Variants in HGSNAT observed in about 807,000 individuals in gnomAD.
HGSNAT encodes transmembrane protein 76.
In HGSNAT, 59 loss-of-function variants were observed where a neutral mutation model predicts 85.2. The observed-to-expected ratio is 0.69, with a 90% CI of 0.56 to 0.86. The LOEUF (loss-of-function observed/expected upper bound fraction) is 0.86. Among genes scored for constraint, HGSNAT ranks in the 40% least tolerant of loss-of-function variants. The pLI is 0.00. For missense variants in HGSNAT, 756 were observed against 777.1 expected, an observed-to-expected ratio of 0.97 and a Z score of 0.32; for synonymous variants, 321 against 304.5, an observed-to-expected ratio of 1.05 and a Z score of -0.56.
At chr8:43,168,617 G>A (rs557175069) in intron 5 of HGSNAT, among the ~76,000 whole-genome samples, 187 of 151,538 alleles carry the variant, frequency 1.2e-3, no homozygotes, top group African/African-American at 4.4e-3. Context: ...GGCTGGTCTC[G>A]AACTCCTGAC....
chr8:43,194,188 G>A (rs959765604), intron 14 of HGSNAT: 12 of 788,012 alleles, frequency 1.5e-5, no homozygotes, highest in African/African-American at 5.6e-5. Context: ...GCTTGAGTCC[G>A]GGAGTTTGAG....
At chr8:43,168,174 C>T (rs909784053) in intron 5 of HGSNAT, 1 of 156,098 alleles carries the variant, frequency 6.4e-6, no homozygotes, top group Admixed American at 6.4e-5. Context: ...CCGTCTTGGC[C>T]TCCCAAAGTG....
rs1324487368 is a variant in HGSNAT at position 43,202,726 on chromosome 8, G to C, written c.*3157G>C. On this transcript the variant is annotated 3_prime_UTR_variant, in exon 18 of 18. Coordinates refer to ENST00000379644, the MANE Select transcript of HGSNAT (RefSeq NM_152419.3). ...TCTTTTATAAATGCATAATAACCCA[G>C]TTTGTATCAAAGGGTATCGACTTAA... 1 of 152,170 alleles carries C rather than the reference G, an allele frequency of 6.6e-6. No individual in the cohort carries two copies. Among genetic ancestry groups the C allele is most frequent in the Non-Finnish European group, 1.5e-5 (1 of 68,032 alleles). 9.4% of individuals were successfully genotyped at this position (152,170 alleles called of 1,614,324 possible). A position where few individuals can be genotyped will look rare whatever the true frequency, so the allele number is the denominator to read the frequency against.
chr8:43,194,340 G>C, intron 14 of HGSNAT: 3 of 955,520 alleles, frequency 3.1e-6, no homozygotes, highest in Non-Finnish European at 3.7e-6. Flanking sequence ...TGAGGCTGCA[G>C]TGAGCCTTGA....
At chr8:43,194,111 C>G in intron 14 of HGSNAT, 1 of 1,208,352 alleles carries the variant, frequency 8.3e-7, no homozygotes, top group Non-Finnish European at 1.0e-6. Flanking sequence ...TAAAAGGTTT[C>G]CCTTGCCAAG....
chr8:43,160,756 C>A (rs530752793), intron 4 of HGSNAT, among the ~76,000 whole-genome samples: 3 of 152,082 alleles, frequency 2.0e-5, no homozygotes, highest in African/African-American at 7.2e-5. Flanking sequence ...TATCCTTCTC[C>A]GGTGCTGGAT....
chr8:43,151,717 C>T (rs1333133897), intron 2 of HGSNAT, among the ~76,000 whole-genome samples: 1 of 152,016 alleles, frequency 6.6e-6, no homozygotes, highest in Non-Finnish European at 1.5e-5. Context: ...AAAGCAATTC[C>T]TATGAAAAAA....
chr8:43,172,485 G>T, intron 8 of HGSNAT, 99 bp downstream of exon 8: 1 of 878,654 alleles, frequency 1.1e-6, no homozygotes, highest in Non-Finnish European at 1.8e-6. Context: ...CTCCAGAAAT[G>T]AGCCCCAGCA....
At chr8:43,161,257 A>G (rs1157576981) in intron 4 of HGSNAT, among the ~76,000 whole-genome samples, 181 bp from the exon 5 acceptor site, 1 of 152,042 alleles carries the variant, frequency 6.6e-6, no homozygotes, top group Non-Finnish European at 1.5e-5. Context: ...GCTTTTGTTT[A>G]TGTTTGATAT....
chr8:43,150,598 C>T (rs1320761453), intron 2 of HGSNAT, among the ~76,000 whole-genome samples: 1 of 152,052 alleles, frequency 6.6e-6, no homozygotes, highest in African/African-American at 2.4e-5. Flanking sequence ...CTCTGGGAGG[C>T]CAAGGTGGGC....
chr8:43,194,194 T>G (rs912269311), intron 14 of HGSNAT: 16 of 756,038 alleles, frequency 2.1e-5, no homozygotes, highest in Non-Finnish European at 2.7e-5. Flanking sequence ...GTCCGGGAGT[T>G]TGAGACCAGC....
intron 1 of HGSNAT, among the ~76,000 whole-genome samples, chr8:43,142,137 GAGCT>G (rs1167691461): frequency 7.2e-5 from 11 of 152,020 alleles, no homozygotes; most frequent in Non-Finnish European, 1.3e-4. Context: ...CACGAGCAGA[GAGCT>G]AGACCAGAAA....
At chr8:43,145,174 A>G (rs1802672190) in intron 1 of HGSNAT, among the ~76,000 whole-genome samples, 1 of 152,212 alleles carries the variant, frequency 6.6e-6, no homozygotes, top group Non-Finnish European at 1.5e-5. Flanking sequence ...TTCATCATAT[A>G]ACAACTTCCG....
At position 43,153,028 on chromosome 8, in the gene HGSNAT, C is replaced by A. The variant is rs1802968646; in HGVS notation, c.235-5547C>A. ...TTAAGCTGATTTAATATTGTCTCCCCCGACAACCATGCTTGACTAGCTTAA... is the reference window on the plus strand; with the variant it reads ...TTAAGCTGATTTAATATTGTCTCCCACGACAACCATGCTTGACTAGCTTAA... On this transcript the variant is annotated intron_variant, in intron 2 of 17. Transcript: ENST00000379644. 2.0e-5 allele frequency among the ~76,000 whole-genome samples: 3 copies of A among 151,668 alleles called. No homozygotes were observed. The South Asian group carries it at 6.2e-4, about 32-fold the overall frequency.
intron 14 of HGSNAT, 103 bp from the exon 15 acceptor site, chr8:43,196,845 C>A: frequency 1.3e-6 from 1 of 753,086 alleles, no homozygotes; most frequent in Non-Finnish European, 2.3e-6. Context: ...GTAGCGTGCC[C>A]AGCAAGTGAA....
intron 1 of HGSNAT, among the ~76,000 whole-genome samples, chr8:43,144,271 G>A (rs1478088303): frequency 6.7e-6 from 1 of 150,346 alleles, no homozygotes; most frequent in Non-Finnish European, 1.5e-5. Context: ...GCTGCAGTGG[G>A]CCGAGATCTT....
At chr8:43,184,935 T>A (rs951733337) in intron 11 of HGSNAT, among the ~76,000 whole-genome samples, 1 of 152,226 alleles carries the variant, frequency 6.6e-6, no homozygotes, top group African/African-American at 2.4e-5. Flanking sequence ...TTGTCAGAGA[T>A]CAGATGGTTG....
chr8:43,181,534 A>G (rs1804123912), intron 10 of HGSNAT: 1 of 152,934 alleles, frequency 6.5e-6, no homozygotes, highest in Non-Finnish European at 1.5e-5. Context: ...GGCACTAGCA[A>G]GAGGTGGAGG....
chr8:43,175,617 G>A (rs372471688), intron 9 of HGSNAT, among the ~76,000 whole-genome samples: 8 of 143,856 alleles, frequency 5.6e-5, no homozygotes, highest in African/African-American at 2.1e-4. Flanking sequence ...CCAGGTGGGA[G>A]TGCAGTGGCA....
Sources: allele counts gnomAD v4.1 joint callset (sites outside exome capture counted in the v4.1 genomes callset), GRCh38; gene constraint gnomAD v4.1.1; transcripts MANE v1.5; gene names NCBI Gene and HGNC (gene_info 2026-07-23, HGNC 2026-07-21).